ARHGEF28: variants seen among roughly 807,000 people sequenced by gnomAD.
ARHGEF28 encodes 190 kDa guanine nucleotide exchange factor.
A neutral mutation model predicts 206.6 loss-of-function variants in ARHGEF28; 152 were observed. The ratio of observed to expected loss-of-function variants is 0.74; its 90% CI spans 0.64 to 0.84. The LOEUF is 0.84. Ranked by LOEUF, ARHGEF28 falls within the 40% of genes least tolerant of loss-of-function variation. The pLI, the probability that ARHGEF28 is intolerant of heterozygous loss-of-function variation, is 0.00. For missense variants in ARHGEF28, 2,028 were observed against 2,073.2 expected, an observed-to-expected ratio of 0.98 and a Z score of 0.42; for synonymous variants, 763 against 776.4, an observed-to-expected ratio of 0.98 and a Z score of 0.29.
At position 73,909,530 on chromosome 5, in the gene ARHGEF28, C is replaced by CT. The variant is rs1561185530; in HGVS notation, c.4281dup (p.Arg1428SerfsTer8). On this transcript the variant is annotated frameshift_variant, in exon 34 of 36. Transcript: ENST00000513042. LOFTEE classifies it high-confidence loss of function. ...GGCGGCCCCTTGCAGGACCAGAAGT[C>CT]TCGCGACGCGGACAGGCAGCATGAG... 3.1e-6 allele frequency: 5 copies of CT among 1,597,696 alleles called. No homozygotes were observed. Among genetic ancestry groups the CT allele is most frequent in the Non-Finnish European group, 3.4e-6 (4 of 1,172,174 alleles).
At chr5:73,723,332 T>C (rs529922678) in intron 2 of ARHGEF28, among the ~76,000 whole-genome samples, 276 of 152,238 alleles carry the variant, frequency 1.8e-3, no homozygotes, top group African/African-American at 6.5e-3. Context: ...GGACTACAGC[T>C]GCGTGCCACC....
intron 35 of ARHGEF28, among the ~76,000 whole-genome samples, chr5:73,934,167 T>C (rs1343358421): frequency 6.6e-6 from 1 of 152,244 alleles, no homozygotes; most frequent in East Asian, 1.9e-4. Flanking sequence ...TTTTCTGAAA[T>C]ATTCCCCACA....
intron 2 of ARHGEF28, among the ~76,000 whole-genome samples, chr5:73,725,575 C>G (rs1750223636): frequency 6.6e-6 from 1 of 152,142 alleles, no homozygotes; most frequent in Non-Finnish European, 1.5e-5. Context: ...AGGTTAGGGA[C>G]TATCATGTTA....
chr5:73,634,850 T>C (rs1743598680), intron 1 of ARHGEF28, among the ~76,000 whole-genome samples: 1 of 152,242 alleles, frequency 6.6e-6, no homozygotes, highest in Non-Finnish European at 1.5e-5. Flanking sequence ...CAGTCTTCTA[T>C]GCTCTATCAC....
intron 10 of ARHGEF28, among the ~76,000 whole-genome samples, chr5:73,833,114 A>G (rs1278972410): frequency 6.6e-6 from 1 of 152,114 alleles, no homozygotes; most frequent in Non-Finnish European, 1.5e-5. Flanking sequence ...GTGATCTTCA[A>G]ATTTTAGTAT....
rs191567994 is a variant in ARHGEF28, at chr5:73,828,320, G to A, written c.1025-4018G>A. ...GTTTGTGAGTCTGTGTTCACTTCTA[G>A]ATCCTATTGTCTTGAGGCATCCTTT... On this transcript the variant is annotated intron_variant, in intron 9 of 35. Transcript: ENST00000513042. Among the ~76,000 whole-genome samples, 14 of 152,298 alleles carry A rather than the reference G, an allele frequency of 9.2e-5. No homozygotes were observed. In the East Asian group the frequency reaches 2.5e-3, roughly 27 times the overall value.
At chr5:73,684,746 T>G (rs748090246) in intron 1 of ARHGEF28, 95 bp from the exon 2 acceptor site, 6 of 1,022,458 alleles carry the variant, frequency 5.9e-6, no homozygotes, top group Non-Finnish European at 7.1e-6. Flanking sequence ...ATGAGTTTGC[T>G]TCTCCCTCCA....
At chr5:73,682,848 C>A (rs1436775417) in intron 1 of ARHGEF28, among the ~76,000 whole-genome samples, 1 of 152,214 alleles carries the variant, frequency 6.6e-6, no homozygotes, top group Non-Finnish European at 1.5e-5. Context: ...GCGGAGGTTG[C>A]AGAGCCAGGC....
Position 73,885,977 on chromosome 5 carries a change from T to C in ARHGEF28, c.3183T>C (p.Ile1061=), listed in dbSNP as rs1458171657. 4.3e-6 allele frequency: 7 copies of C among 1,613,692 alleles called. No homozygotes were observed. Among genetic ancestry groups the C allele is most frequent in the Non-Finnish European group, 5.9e-6 (7 of 1,179,778 alleles). Residue 1061 remains isoleucine, a synonymous_variant, in exon 25 of 36, where the codon ATT becomes ATC. Coordinates refer to ENST00000513042, the MANE Select transcript of ARHGEF28 (RefSeq NM_001177693.2). ...NQKWLEILNK[I]ENKTYTKLKN... ...AATGGCTTGAGATCCTAAATAAGAT[T>C]GAAAACAAAACATACACGAAGCTCA...
intron 2 of ARHGEF28, among the ~76,000 whole-genome samples, chr5:73,725,362 C>G (rs1750207468): frequency 6.6e-6 from 1 of 152,196 alleles, no homozygotes; most frequent in Non-Finnish European, 1.5e-5. Context: ...ACAGTTAAAA[C>G]TAATATGGCC....
intron 1 of ARHGEF28, among the ~76,000 whole-genome samples, chr5:73,634,487 C>A (rs987014953): frequency 7.9e-5 from 12 of 152,212 alleles, no homozygotes; most frequent in African/African-American, 2.7e-4. Context: ...ATACACCACA[C>A]TTTTAATAAT....
At chr5:73,626,852 CCT>C (rs1426191068) in intron 1 of ARHGEF28, among the ~76,000 whole-genome samples, 5 of 152,206 alleles carry the variant, frequency 3.3e-5, no homozygotes, top group Non-Finnish European at 2.9e-5. Flanking sequence ...TTTATGGTTA[CCT>C]TGGTTGGGAA....
At chr5:73,898,122 A>C (rs1762066374) in intron 30 of ARHGEF28, 29 bp downstream of exon 30, 1 of 1,606,346 alleles carries the variant, frequency 6.2e-7, no homozygotes, top group Non-Finnish European at 8.5e-7. Flanking sequence ...CTTGGCAATG[A>C]GCCTGAGCAC....
chr5:73,906,011 T>C (rs1179296846), intron 33 of ARHGEF28, among the ~76,000 whole-genome samples: 1 of 152,226 alleles, frequency 6.6e-6, no homozygotes. Flanking sequence ...GAAAATAAAA[T>C]GAAGCCTAAG....
At chr5:73,644,857 A>G (rs1744332992) in intron 1 of ARHGEF28, among the ~76,000 whole-genome samples, 1 of 152,024 alleles carries the variant, frequency 6.6e-6, no homozygotes, top group African/African-American at 2.4e-5. Flanking sequence ...GATACAGTTT[A>G]TTTTTTGCTT....
At chr5:73,814,884 G>A (rs1756087915) in intron 9 of ARHGEF28, among the ~76,000 whole-genome samples, 1 of 152,088 alleles carries the variant, frequency 6.6e-6, no homozygotes. Flanking sequence ...ACCGTCTAGG[G>A]CTAGTAGAAA....
At chr5:73,754,637 A>ATTTTATT (rs1340119667) in intron 4 of ARHGEF28, among the ~76,000 whole-genome samples, 1 of 152,178 alleles carries the variant, frequency 6.6e-6, no homozygotes, top group East Asian at 1.9e-4. Context: ...TTAATAAAGT[A>ATTTTATT]TTTAATAAAG....
At chr5:73,713,446 C>T (rs1009475095) in intron 2 of ARHGEF28, among the ~76,000 whole-genome samples, 2 of 152,118 alleles carry the variant, frequency 1.3e-5, no homozygotes, top group African/African-American at 4.8e-5. Context: ...CTTACCTTTA[C>T]CTGTTGGAAC....
intron 9 of ARHGEF28, among the ~76,000 whole-genome samples, chr5:73,825,664 G>A (rs1020421084): frequency 2.0e-5 from 3 of 152,220 alleles, no homozygotes; most frequent in Admixed American, 6.5e-5. Context: ...GAAGAAGACC[G>A]TGGTGGCTTG....
Sources: allele counts gnomAD v4.1 joint callset (sites outside exome capture counted in the v4.1 genomes callset), GRCh38; gene constraint gnomAD v4.1.1; transcripts MANE v1.5; gene names NCBI Gene and HGNC (gene_info 2026-07-23, HGNC 2026-07-21).